Variants in RPL26L1 observed in about 807,000 individuals in gnomAD.
RPL26L1 encodes the protein ribosomal protein uL24-like.
In RPL26L1, 8 loss-of-function variants were observed where a neutral mutation model predicts 15.2. That is an observed-to-expected ratio of 0.53 (90% CI 0.31 to 0.95). The LOEUF (loss-of-function observed/expected upper bound fraction) is 0.95, where lower values mean the gene tolerates loss of function less well. RPL26L1 is among the 40% of genes least tolerant of loss of function. RPL26L1 has a pLI of 0.05. For missense variants in RPL26L1, 146 were observed against 190.9 expected, an observed-to-expected ratio of 0.76 and a Z score of 1.39; for synonymous variants, 51 against 65.9, an observed-to-expected ratio of 0.77 and a Z score of 1.09.
At chr5:172,967,744 ATGTG>A (rs767578469) in intron 2 of RPL26L1, among the ~76,000 whole-genome samples, 14 of 151,524 alleles carry the variant, frequency 9.2e-5, no homozygotes, top group African/African-American at 3.4e-4. Context: ...TATATATGAA[ATGTG>A]TGTGTATATA....
intron 1 of RPL26L1, 170 bp downstream of exon 1, chr5:172,959,638 T>C (rs1755140740): frequency 8.0e-7 from 1 of 1,243,554 alleles, no homozygotes; most frequent in Non-Finnish European, 1.1e-6. Flanking sequence ...GTCCCAGTGC[T>C]ACCCTCTCCC....
intron 2 of RPL26L1, among the ~76,000 whole-genome samples, chr5:172,962,575 T>C (rs189217192): frequency 2.4e-4 from 37 of 151,688 alleles, no homozygotes; most frequent in African/African-American, 8.7e-4. Context: ...CCCAGCACTT[T>C]GGGAGGCTGT....
upstream of RPL26L1, chr5:172,958,534 C>T: frequency 2.4e-6 from 1 of 417,032 alleles, no homozygotes; most frequent in Non-Finnish European, 5.0e-6. Context: ...GGTTCTTAAC[C>T]CGAAGAGAGT....
At chr5:172,960,069 C>G in intron 2 of RPL26L1, 28 bp downstream of exon 2, 1 of 1,613,460 alleles carries the variant, frequency 6.2e-7, no homozygotes. Context: ...GCTAGTGGCG[C>G]TCGGACACCG....
chr5:172,967,842 GTA>G (rs1491541877), intron 2 of RPL26L1, among the ~76,000 whole-genome samples: 2 of 151,170 alleles, frequency 1.3e-5, no homozygotes, highest in East Asian at 1.9e-4. Flanking sequence ...TGACATATAT[GTA>G]TGTTACATAT....
At chr5:172,962,744 A>G (rs1279085769) in intron 2 of RPL26L1, among the ~76,000 whole-genome samples, 2 of 133,702 alleles carry the variant, frequency 1.5e-5, no homozygotes, top group Non-Finnish European at 3.1e-5. Flanking sequence ...TGAACCCGGG[A>G]GGGGGAGCTT....
rs763140229 is a variant in RPL26L1, at chr5:172,968,441, T to A, written c.169-18T>A. On this transcript the variant is annotated intron_variant, in intron 2 of 3. Transcript: ENST00000265100. The stretch of plus-strand genomic sequence containing the variant: ...GCACTACAAATGGAGGGGGATTCTC[T>A]TTTGTATTTTCTCTTAGGTAGTTCG... 1.9e-6 allele frequency: 3 copies of A among 1,612,342 alleles called. No individual in the cohort carries two copies. In the African/African-American group the frequency reaches 4.0e-5, roughly 22 times the overall value.
chr5:172,958,872 C>CTAGGAGGGAGG (rs1554115719), upstream of RPL26L1: 1 of 66,456 alleles, frequency 1.5e-5, no homozygotes, highest in Non-Finnish European at 5.2e-5. Context: ...AGGGGCGGGG[C>CTAGGAGGGAGG]GGCGGCCACA....
intron 2 of RPL26L1, among the ~76,000 whole-genome samples, chr5:172,967,467 AAAATAAAT>A (rs568434838): frequency 1.2e-3 from 179 of 152,076 alleles, no homozygotes; most frequent in African/African-American, 4.2e-3. Flanking sequence ...CTCCGTGTCA[AAAATAAAT>A]AAATAAATAA....
intron 2 of RPL26L1, among the ~76,000 whole-genome samples, chr5:172,963,013 C>T (rs1194880376): frequency 6.6e-6 from 1 of 152,072 alleles, no homozygotes; most frequent in Admixed American, 6.6e-5. Flanking sequence ...GGAACTAATA[C>T]ATTTAAGAGA....
upstream of RPL26L1, chr5:172,957,172 T>C (rs1561752473): frequency 2.2e-6 from 1 of 456,258 alleles, no homozygotes; most frequent in Non-Finnish European, 4.4e-6. Flanking sequence ...TCCTCTGTGC[T>C]AGGTGCTTTG....
chr5:172,955,507 T>C (rs1231873874), upstream of RPL26L1: 1 of 155,510 alleles, frequency 6.4e-6, no homozygotes, highest in African/African-American at 2.4e-5. Flanking sequence ...CCACTGGAGG[T>C]CTCAATCCCT....
chr5:172,959,282 G>A, upstream of RPL26L1: 1 of 705,766 alleles, frequency 1.4e-6, no homozygotes, highest in Non-Finnish European at 1.8e-6. Context: ...GCAGGCCCTT[G>A]TACTCACTGG....
chr5:172,958,778 G>A (rs1755088336), upstream of RPL26L1: 1 of 221,196 alleles, frequency 4.5e-6, no homozygotes, highest in Non-Finnish European at 9.3e-6. Context: ...CCAGGCACGG[G>A]CAGAAGGGCC....
chr5:172,958,745 A>G, upstream of RPL26L1: 1 of 235,758 alleles, frequency 4.2e-6, no homozygotes, highest in South Asian at 4.6e-5. Context: ...CGAAACGCGG[A>G]GCTCGGGAGC....
chr5:172,959,576 C>T (rs1490077358), intron 1 of RPL26L1, 108 bp downstream of exon 1: 2 of 1,200,762 alleles, frequency 1.7e-6, no homozygotes, highest in Non-Finnish European at 2.1e-6. Context: ...TTTGAGTGAC[C>T]TCCCGACCAC....
chr5:172,968,520 AAT>A lies in RPL26L1; in HGVS notation c.233_234del (p.Tyr78CysfsTer10), dbSNP rs1193715332. Reference sequence around the variant, plus strand: ...AAGGTAGTCCAGGTGTACAGAAAGAAATATGTCATCTACATCGAGCGGGTGCA... The same window carrying A: ...AAGGTAGTCCAGGTGTACAGAAAGAAATGTCATCTACATCGAGCGGGTGCA... On this transcript the variant is annotated frameshift_variant, in exon 3 of 4. Transcript: ENST00000265100. LOFTEE classifies it high-confidence loss of function. 3.7e-6 allele frequency: 6 copies of A among 1,614,074 alleles called. No homozygotes were observed. In the African/African-American group the frequency reaches 6.7e-5, roughly 18 times the overall value.
chr5:172,958,351 A>G (rs530709188), upstream of RPL26L1: 16 of 455,978 alleles, frequency 3.5e-5, no homozygotes, highest in East Asian at 9.0e-4. Flanking sequence ...CTGATAAACT[A>G]AGAGAGAGCA....
chr5:172,960,161 G>T (rs1755174666), intron 2 of RPL26L1, 120 bp downstream of exon 2: 12 of 1,205,914 alleles, frequency 1.0e-5, no homozygotes, highest in African/African-American at 3.0e-5. Context: ...CTTCAGATGT[G>T]TTAGGCCAGA....
Sources: allele counts gnomAD v4.1 joint callset (sites outside exome capture counted in the v4.1 genomes callset), GRCh38; gene constraint gnomAD v4.1.1; transcripts MANE v1.5; gene names NCBI Gene and HGNC (gene_info 2026-07-23, HGNC 2026-07-21).